The following CLYBL variants were observed in gnomAD, a reference collection of about 807,000 sequenced individuals.
CLYBL encodes citramalyl-CoA lyase, mitochondrial.
Under a neutral mutation model 38.9 loss-of-function variants are expected in CLYBL, and 31 were observed. That is an observed-to-expected ratio of 0.80 (90% CI 0.60 to 1.08). The LOEUF (loss-of-function observed/expected upper bound fraction) is 1.08, where lower values mean the gene tolerates loss of function less well. CLYBL is among the 50% of genes least tolerant of loss of function. The pLI is 0.00. For synonymous variants in CLYBL, 171 were observed against 158.6 expected (o/e 1.08, Z -0.59); for missense variants, 434 against 411.6 (o/e 1.05, Z -0.47).
At chr13:99,863,160 C>A in intron 4 of CLYBL, 68 bp downstream of exon 4, 1 of 736,490 alleles carries the variant, frequency 1.4e-6, no homozygotes, top group South Asian at 2.0e-5. Flanking sequence ...CTTTTGCTTT[C>A]AATTTTAACA....
intron 3 of CLYBL, among the ~76,000 whole-genome samples, chr13:99,862,184 C>T (rs1037480748): frequency 2.0e-5 from 3 of 152,160 alleles, no homozygotes; most frequent in Non-Finnish European, 4.4e-5. Context: ...ATGTTTTCAT[C>T]TTTATTTACA....
At chr13:99,738,223 T>G (rs2048697516) in intron 1 of CLYBL, among the ~76,000 whole-genome samples, 1 of 152,242 alleles carries the variant, frequency 6.6e-6, no homozygotes, top group Non-Finnish European at 1.5e-5. Context: ...TAAAGGCTCC[T>G]TGAAAGAACC....
intron 1 of CLYBL, among the ~76,000 whole-genome samples, chr13:99,759,279 C>G (rs1454049684): frequency 2.0e-5 from 3 of 152,116 alleles, no homozygotes; most frequent in African/African-American, 7.2e-5. Flanking sequence ...AAGCCCTAAA[C>G]TAGAATGTAA....
intron 2 of CLYBL, among the ~76,000 whole-genome samples, chr13:99,843,393 AATTCTG>A (rs2051129636): frequency 1.3e-5 from 2 of 152,100 alleles, no homozygotes; most frequent in African/African-American, 4.8e-5. Flanking sequence ...CCCATTAGTT[AATTCTG>A]CTATCTTCAT....
chr13:99,837,980 CCT>C (rs1165998298), intron 2 of CLYBL, among the ~76,000 whole-genome samples: 2 of 152,190 alleles, frequency 1.3e-5, no homozygotes, highest in African/African-American at 2.4e-5. Context: ...GGTTTTCCCT[CCT>C]CTCTGTCAAG....
Position 99,623,323 on chromosome 13 carries a change from G to A in CLYBL, c.62+16566G>A, listed in dbSNP as rs61973836. On this transcript the variant is annotated intron_variant, in intron 1 of 8. Coordinates refer to ENST00000339105, the MANE Select transcript of CLYBL (RefSeq NM_206808.5). The stretch of plus-strand genomic sequence containing the variant: ...AGTAGATGTGAAGTTGTATTCTCGC[G>A]GTTTCTTCCAAATCATTTTTAAATG... 3.0e-3 allele frequency among the ~76,000 whole-genome samples: 464 copies of A among 152,138 alleles called. 1 individual carries two copies. Among genetic ancestry groups the A allele is most frequent in the African/African-American group, 6.9e-3 (288 of 41,506 alleles).
At chr13:99,760,701 T>G (rs4439619) in intron 1 of CLYBL, among the ~76,000 whole-genome samples, 112,701 of 152,112 alleles carry the variant, frequency 0.74, 43,530 homozygotes, top group Non-Finnish European at 0.88. Flanking sequence ...TGTGATGATT[T>G]GTATCTCTCT....
rs1293086674 is a variant in CLYBL at position 99,905,721 on chromosome 13, GC to G, written c.*160+317del. The stretch of plus-strand genomic sequence containing the variant: ...AAAGTGTTTTTTGGTTGTTGTTTTT[GC>G]TTTTTTTTTTTTAGATCAAACATGT... On this transcript the variant is annotated intron_variant and NMD_transcript_variant, in intron 9 of 9. Coordinates refer to the CLYBL transcript ENST00000689673. Among the ~76,000 whole-genome samples the G allele has an allele frequency of 2.8e-3, 126 of 45,620 alleles. 2 individuals are homozygous for G. Among genetic ancestry groups the G allele is most frequent in the Non-Finnish European group, 2.6e-3 (46 of 17,876 alleles). The allele number at this position is 45,620 out of a possible 152,430, so 29.9% of individuals were successfully genotyped here. A position where few individuals can be genotyped will look rare whatever the true frequency, so the allele number is the denominator to read the frequency against.
chr13:99,904,589 A>G (rs1036280499), intron 8 of CLYBL, among the ~76,000 whole-genome samples: 7 of 152,356 alleles, frequency 4.6e-5, no homozygotes, highest in Non-Finnish European at 8.8e-5. Flanking sequence ...CCACACGTGT[A>G]TGGATGGCTG....
At chr13:99,840,815 CGTATTCCCTACTGCCTTCTTA>C (rs1363968903) in intron 2 of CLYBL, among the ~76,000 whole-genome samples, 1 of 144,186 alleles carries the variant, frequency 6.9e-6, no homozygotes, top group Non-Finnish European at 1.5e-5. Flanking sequence ...GGCAGAAAAC[CGTATTCCCTACTGCCTTCTTA>C]GTTAAACAGT....
chr13:99,714,834 A>G (rs1046825724), intron 1 of CLYBL, among the ~76,000 whole-genome samples: 12 of 152,168 alleles, frequency 7.9e-5, no homozygotes, highest in Admixed American at 7.9e-4. Flanking sequence ...CTGTAATCTC[A>G]GCTACTTGGG....
chr13:99,733,356 CAGAG>C (rs927806751), intron 1 of CLYBL, among the ~76,000 whole-genome samples: 2 of 151,910 alleles, frequency 1.3e-5, no homozygotes, highest in African/African-American at 2.4e-5. Flanking sequence ...TCCCTGTAGA[CAGAG>C]AGGGCTGGTA....
intron 1 of CLYBL, among the ~76,000 whole-genome samples, chr13:99,698,460 A>T (rs964609862): frequency 1.3e-5 from 2 of 152,094 alleles, no homozygotes; most frequent in Admixed American, 1.3e-4. Context: ...ATAAGTAGTT[A>T]TGCAAAGTCG....
intron 2 of CLYBL, among the ~76,000 whole-genome samples, chr13:99,781,883 A>G (rs916781064): frequency 1.3e-5 from 2 of 152,236 alleles, no homozygotes; most frequent in Admixed American, 1.3e-4. Flanking sequence ...AGCACGCTTA[A>G]CAATGCCTAA....
At chr13:99,613,680 G>A (rs1390750586) in intron 1 of CLYBL, among the ~76,000 whole-genome samples, 3 of 144,692 alleles carry the variant, frequency 2.1e-5, no homozygotes. Flanking sequence ...TGAAAAGGAG[G>A]CAGGGTAAAC....
chr13:99,863,236 T>C (rs1309021757), intron 4 of CLYBL, 144 bp downstream of exon 4: 2 of 463,914 alleles, frequency 4.3e-6, no homozygotes, highest in East Asian at 3.5e-5. Context: ...ATTTGTTATC[T>C]GTAATAGTCC....
chr13:99,650,412 A>G (rs1445999080), intron 1 of CLYBL, among the ~76,000 whole-genome samples: 7 of 152,148 alleles, frequency 4.6e-5, no homozygotes, highest in Admixed American at 4.6e-4. Flanking sequence ...ACAGAATGAG[A>G]CCCTGTCTCA....
At chr13:99,788,499 C>T (rs1337036987) in intron 2 of CLYBL, among the ~76,000 whole-genome samples, 1 of 152,084 alleles carries the variant, frequency 6.6e-6, no homozygotes, top group Non-Finnish European at 1.5e-5. Flanking sequence ...TGCTGGATTA[C>T]CTTTATTGAT....
At chr13:99,633,210 CAAAAAAAAAAA>C (rs59801603) in intron 1 of CLYBL, among the ~76,000 whole-genome samples, 161 of 62,736 alleles carry the variant, frequency 2.6e-3, no homozygotes, top group African/African-American at 8.8e-3. Context: ...GATCCTGTCT[CAAAAAAAAAAA>C]AAAAAAAAAA....
Sources: allele counts gnomAD v4.1 joint callset (sites outside exome capture counted in the v4.1 genomes callset), GRCh38; gene constraint gnomAD v4.1.1; transcripts MANE v1.5; gene names NCBI Gene and HGNC (gene_info 2026-07-23, HGNC 2026-07-21).